Variants in STAG2 observed in about 807,000 individuals in gnomAD.
STAG2 encodes STAG2 cohesin complex component.
Under a neutral mutation model 108.1 loss-of-function variants are expected in STAG2, and 14 were observed. That is an observed-to-expected ratio of 0.13 (90% confidence interval 0.09 to 0.20). The LOEUF is 0.20. STAG2 is among the 10% of genes least tolerant of loss of function. The pLI is 1.00. For synonymous variants in STAG2, 307 were observed against 302.7 expected, an observed-to-expected ratio of 1.01 and a Z score of -0.15; for missense variants, 440 against 940.9, an observed-to-expected ratio of 0.47 and a Z score of 6.96.
At chrX:124,064,581 C>G (rs1180041028) in intron 20 of STAG2, among the ~76,000 whole-genome samples, 1 of 109,253 alleles carries the variant, frequency 9.2e-6, no homozygotes, top group East Asian at 2.9e-4. Flanking sequence ...GTAGCTGGGA[C>G]TATAGGCGTG....
intron 28 of STAG2, among the ~76,000 whole-genome samples, chrX:124,082,933 T>A (rs2148442223): frequency 9.0e-6 from 1 of 111,558 alleles, no homozygotes; most frequent in African/African-American, 3.3e-5. Context: ...TTTTGATGAA[T>A]AGAGGTATTT....
At chrX:124,097,822 C>T in intron 34 of STAG2, 1 of 226,665 alleles carries the variant, frequency 4.4e-6, no homozygotes, top group South Asian at 4.9e-5. Context: ...TTAATAATCT[C>T]ATGCTGTCTT....
intron 34 of STAG2, chrX:124,097,683 G>GAGAAAGGTAA (rs1314728584): frequency 8.8e-6 from 3 of 341,101 alleles, no homozygotes; most frequent in Middle Eastern, 4.4e-4. Flanking sequence ...GCAACCGTGT[G>GAGAAAGGTAA]AGAAAGGTAA....
chrX:124,047,610 T>A, intron 9 of STAG2, 105 bp downstream of exon 9: 1 of 655,399 alleles, frequency 1.5e-6, no homozygotes, highest in Non-Finnish European at 2.3e-6. Context: ...TTGAAATATT[T>A]AAATGTAAAT....
chrX:123,991,752 C>T lies in STAG2; in HGVS notation c.-162-29615C>T, dbSNP rs1452317615. ...CGATCTCGGCTCACCGCAACCTCCG[C>T]CTCCCGGGTTCAAGCGATTCTCCCG... On this transcript the variant is annotated intron_variant, in intron 1 of 34. Coordinates refer to ENST00000371145, the MANE Select transcript of STAG2 (RefSeq NM_001042750.2). Among the ~76,000 whole-genome samples, 15 of 110,778 alleles carry T rather than the reference C, an allele frequency of 1.4e-4. No homozygotes were observed. The Admixed American group carries it at 1.4e-3, about 11-fold the overall frequency.
intron 13 of STAG2, 133 bp from the exon 14 acceptor site, chrX:124,055,995 G>GTT: frequency 9.1e-6 from 2 of 220,703 alleles, no homozygotes; most frequent in Non-Finnish European, 1.4e-5. Flanking sequence ...AGCTTGATTT[G>GTT]GTTTTTTTTT....
intron 1 of STAG2, among the ~76,000 whole-genome samples, chrX:123,985,380 C>T (rs1295312803): frequency 9.0e-6 from 1 of 110,708 alleles, no homozygotes; most frequent in Non-Finnish European, 1.9e-5. Context: ...CAGATGTCTG[C>T]CACCATGCCT....
chrX:124,016,385 G>A (rs986356751), intron 1 of STAG2, among the ~76,000 whole-genome samples: 2 of 111,510 alleles, frequency 1.8e-5, no homozygotes, highest in African/African-American at 6.5e-5. Flanking sequence ...CAATAAGATT[G>A]TAAATAAAAA....
intron 14 of STAG2, among the ~76,000 whole-genome samples, chrX:124,056,731 T>TTA (rs1556528021): frequency 2.4e-5 from 1 of 42,381 alleles, no homozygotes; most frequent in Admixed American, 3.8e-4. Context: ...AGACTCCATC[T>TTA]AAAAAAAAAA....
chrX:124,047,445 T>G lies in STAG2; in HGVS notation c.759T>G (p.Asn253Lys), dbSNP rs1384192774. ...NTQRQYEAER[N>K]KMIGKRANER... The stretch of plus-strand genomic sequence containing the variant: ...AAAGACAATATGAAGCAGAACGGAA[T>G]AAAATGATTGGAAAACGAGCCAATG... Residue 253 changes from asparagine (N) to lysine (K), a missense_variant, in exon 9 of 35, where the codon AAT becomes AAG. By Grantham distance (94) the Asn-to-Lys change is moderately conservative. Coordinates refer to ENST00000371145, the MANE Select transcript of STAG2 (RefSeq NM_001042750.2). The G allele has an allele frequency of 8.3e-7, 1 of 1,207,241 alleles. No individual in the cohort carries two copies. Among genetic ancestry groups the G allele is most frequent in the African/African-American group, 1.8e-5 (1 of 57,006 alleles).
intron 1 of STAG2, among the ~76,000 whole-genome samples, chrX:124,019,922 A>G (rs1209381430): frequency 1.8e-5 from 2 of 112,553 alleles, no homozygotes; most frequent in Non-Finnish European, 3.8e-5. Flanking sequence ...CGGGTGACAG[A>G]GTAAGACCTT....
chrX:123,989,166 G>A lies in STAG2; in HGVS notation c.-163+27310G>A, dbSNP rs763282546. On this transcript the variant is annotated intron_variant, in intron 1 of 34. Transcript: ENST00000371145. The stretch of plus-strand genomic sequence containing the variant: ...AGCATGGTCTTCACATCTTCAAAGA[G>A]TTTTTGACTGTTTAGAGCATACTAC... Among the ~76,000 whole-genome samples the A allele has an allele frequency of 8.1e-5, 9 of 111,636 alleles. No individual in the cohort carries two copies. In the South Asian group the frequency reaches 3.4e-3, roughly 42 times the overall value.
At position 124,084,338 on chromosome X, in the gene STAG2, C is replaced by G. The variant is rs1256111752; in HGVS notation, c.3053+789C>G. On this transcript the variant is annotated intron_variant, in intron 29 of 34. Transcript: ENST00000371145. ...ACACTAGGGTACTAGAGTTCTGTATCTTTTTTTTTTTTTGAAATGAAGTTA... is the reference window on the plus strand; with the variant it reads ...ACACTAGGGTACTAGAGTTCTGTATGTTTTTTTTTTTTTGAAATGAAGTTA... Among the ~76,000 whole-genome samples the G allele has an allele frequency of 5.8e-5, 6 of 103,154 alleles. No individual in the cohort carries two copies. In the East Asian group the frequency reaches 1.5e-3, roughly 26 times the overall value. The allele number at this position is 103,154 out of a possible 115,157, so 89.6% of individuals were successfully genotyped here.
At chrX:123,964,998 G>C (rs1337797917) in intron 1 of STAG2, among the ~76,000 whole-genome samples, 1 of 92,118 alleles carries the variant, frequency 1.1e-5, no homozygotes, top group Non-Finnish European at 2.1e-5. Flanking sequence ...ATACTGTTCA[G>C]TGTCAGGTTT....
intron 1 of STAG2, among the ~76,000 whole-genome samples, chrX:124,004,883 A>G (rs2056213578): frequency 9.0e-6 from 1 of 111,524 alleles, no homozygotes; most frequent in African/African-American, 3.3e-5. Context: ...ATTTTTCATA[A>G]TTACAGCACA....
intron 4 of STAG2, among the ~76,000 whole-genome samples, chrX:124,026,134 TA>T (rs1393922845): frequency 1.5e-5 from 1 of 68,473 alleles, no homozygotes; most frequent in East Asian, 6.8e-4. Flanking sequence ...TTGCAAATAA[TA>T]ATAATAATAA....
rs752864187 is a variant in STAG2 at position 123,979,261 on chromosome X, C to T, written c.-163+17405C>T. Among the ~76,000 whole-genome samples, 4 of 110,807 alleles carry T rather than the reference C, an allele frequency of 3.6e-5. No homozygotes were observed. The South Asian group carries it at 1.5e-3, about 42-fold the overall frequency. On this transcript the variant is annotated intron_variant, in intron 1 of 34. Coordinates refer to ENST00000371145, the MANE Select transcript of STAG2 (RefSeq NM_001042750.2). ...AAATAATATCCCTTGCTTTGCCAGC[C>T]CTCCTTTTTCAGTTTATTTTGCTTA...
chrX:123,986,865 CT>C (rs2055210295), intron 1 of STAG2, among the ~76,000 whole-genome samples: 1 of 108,094 alleles, frequency 9.3e-6, no homozygotes, highest in African/African-American at 3.4e-5. Context: ...TTTAGAATAT[CT>C]TTTTTGAAAC....
intron 1 of STAG2, among the ~76,000 whole-genome samples, chrX:124,001,931 A>G (rs1334702697): frequency 8.9e-6 from 1 of 112,088 alleles, no homozygotes; most frequent in Non-Finnish European, 1.9e-5. Flanking sequence ...ATCCACAACA[A>G]TCAAGATAAC....
Sources: allele counts gnomAD v4.1 joint callset (sites outside exome capture counted in the v4.1 genomes callset), GRCh38; gene constraint gnomAD v4.1.1; transcripts MANE v1.5; gene names NCBI Gene and HGNC (gene_info 2026-07-23, HGNC 2026-07-21).